CSMD1: variants seen among roughly 807,000 people sequenced by gnomAD.
CSMD1 encodes the protein CUB and sushi domain-containing protein 1.
In CSMD1, 213 loss-of-function variants were observed where a neutral mutation model predicts 417.5. The ratio of observed to expected loss-of-function variants is 0.51; its 90% CI spans 0.46 to 0.57. The LOEUF (loss-of-function observed/expected upper bound fraction) is 0.57. Ranked by LOEUF, CSMD1 falls within the 20% of genes least tolerant of loss-of-function variation. The pLI is 0.00. For synonymous variants in CSMD1, 2,862 were observed against 1,736.8 expected (o/e 1.65, Z -16.11); for missense variants, 6,923 against 4,529.7 (o/e 1.53, Z -15.17).
At chr8:3,296,444 G>A (rs74830603) in intron 25 of CSMD1, among the ~76,000 whole-genome samples, 2 of 152,214 alleles carry the variant, frequency 1.3e-5, no homozygotes, top group Non-Finnish European at 2.9e-5. Context: ...ACGCACAGAG[G>A]GCTTTGTAGG....
At chr8:4,754,207 A>G (rs1157028586) in intron 1 of CSMD1, among the ~76,000 whole-genome samples, 1 of 151,932 alleles carries the variant, frequency 6.6e-6, no homozygotes, top group African/African-American at 2.4e-5. Context: ...CATCTCTACA[A>G]CTCTTAACAG....
At chr8:3,040,627 A>G (rs1424864020) in intron 50 of CSMD1, among the ~76,000 whole-genome samples, 1 of 151,622 alleles carries the variant, frequency 6.6e-6, no homozygotes, top group East Asian at 1.9e-4. Context: ...ACATGATGAA[A>G]CCCCGTCTCT....
intron 2 of CSMD1, among the ~76,000 whole-genome samples, chr8:4,559,035 C>G (rs1022014072): frequency 6.6e-6 from 1 of 152,070 alleles, no homozygotes; most frequent in African/African-American, 2.4e-5. Context: ...TTTGCAAAGT[C>G]CCCCTTTGGA....
chr8:4,819,373 G>A (rs1471498602), intron 1 of CSMD1, among the ~76,000 whole-genome samples: 2 of 152,010 alleles, frequency 1.3e-5, no homozygotes, highest in African/African-American at 2.4e-5. Flanking sequence ...ATGGAAATAG[G>A]CCTCTCAAAT....
Position 3,956,092 on chromosome 8 carries a change from G to C in CSMD1, c.818+41811C>G, listed in dbSNP as rs774463949. Among the ~76,000 whole-genome samples the C allele has an allele frequency of 3.9e-5, 6 of 152,160 alleles. No homozygotes were observed. In the East Asian group the frequency reaches 5.8e-4, roughly 15 times the overall value. The stretch of plus-strand genomic sequence containing the variant: ...TTATTTGGCATTAGCCACCGTGCTC[G>C]GCCAGGTTTCCTTTCTAACCCTTTT... On this transcript the variant is annotated intron_variant, in intron 5 of 69. Coordinates refer to ENST00000635120, the MANE Select transcript of CSMD1 (RefSeq NM_033225.6).
At chr8:4,481,844 C>T (rs563284620) in intron 2 of CSMD1, among the ~76,000 whole-genome samples, 4 of 152,148 alleles carry the variant, frequency 2.6e-5, no homozygotes, top group Admixed American at 6.5e-5. Flanking sequence ...AGGTACTCCA[C>T]CTACTTCTAT....
chr8:3,943,277 G>A (rs1811005099), intron 5 of CSMD1, among the ~76,000 whole-genome samples: 1 of 151,618 alleles, frequency 6.6e-6, no homozygotes, highest in Non-Finnish European at 1.5e-5. Context: ...TTTATAAAGT[G>A]TATGCAAAGC....
At chr8:3,741,213 TAAAA>T (rs58662516) in intron 6 of CSMD1, among the ~76,000 whole-genome samples, 3 of 67,276 alleles carry the variant, frequency 4.5e-5, no homozygotes, top group African/African-American at 1.2e-4. Flanking sequence ...GACTCCGTCT[TAAAA>T]AAAAAAAAAA....
At chr8:3,841,386 G>C (rs898052501) in intron 5 of CSMD1, among the ~76,000 whole-genome samples, 1 of 152,098 alleles carries the variant, frequency 6.6e-6, no homozygotes, top group African/African-American at 2.4e-5. Flanking sequence ...TCAACCTCAA[G>C]CAATGTGTTT....
At chr8:4,077,824 GATAC>G (rs1389124609) in intron 3 of CSMD1, among the ~76,000 whole-genome samples, 6 of 152,204 alleles carry the variant, frequency 3.9e-5, no homozygotes, top group African/African-American at 1.4e-4. Context: ...GGAATTTTCA[GATAC>G]ATAAACCAAA....
chr8:3,561,498 A>G (rs1175797586), intron 10 of CSMD1, among the ~76,000 whole-genome samples: 1 of 152,232 alleles, frequency 6.6e-6, no homozygotes, highest in Non-Finnish European at 1.5e-5. Context: ...GAATGTCATT[A>G]TCCTAAGTAA....
intron 7 of CSMD1, among the ~76,000 whole-genome samples, chr8:3,675,388 A>G (rs954235027): frequency 2.0e-5 from 3 of 152,164 alleles, no homozygotes; most frequent in East Asian, 3.9e-4. Flanking sequence ...GGGCTTGGAT[A>G]TGCTATCTTG....
chr8:3,580,061 A>C (rs1206166305), intron 9 of CSMD1, among the ~76,000 whole-genome samples: 3 of 152,112 alleles, frequency 2.0e-5, no homozygotes, highest in Non-Finnish European at 2.9e-5. Context: ...CCAAGATAGC[A>C]CCACTGTACT....
intron 1 of CSMD1, among the ~76,000 whole-genome samples, chr8:4,950,754 T>G (rs1466553386): frequency 1.3e-5 from 2 of 152,112 alleles, no homozygotes; most frequent in African/African-American, 4.8e-5. Context: ...TATAGCATTA[T>G]TTATAAGTGG....
chr8:3,291,532 A>T (rs979729892), intron 25 of CSMD1, among the ~76,000 whole-genome samples: 1 of 152,046 alleles, frequency 6.6e-6, no homozygotes, highest in Non-Finnish European at 1.5e-5. Flanking sequence ...CAGAGATTCA[A>T]CTTCTTCCTG....
At chr8:4,484,285 T>G (rs1054132778) in intron 2 of CSMD1, among the ~76,000 whole-genome samples, 2 of 152,148 alleles carry the variant, frequency 1.3e-5, no homozygotes, top group Non-Finnish European at 2.9e-5. Flanking sequence ...TTTCATTTTG[T>G]TTTGTCCCTC....
chr8:4,740,196 T>C (rs558772054), intron 1 of CSMD1, among the ~76,000 whole-genome samples: 54 of 152,272 alleles, frequency 3.5e-4, no homozygotes, highest in Middle Eastern at 3.4e-3. Flanking sequence ...CATTATCTTA[T>C]TGTTTTCACC....
intron 3 of CSMD1, among the ~76,000 whole-genome samples, chr8:4,198,177 G>C (rs192415525): frequency 2.0e-5 from 3 of 152,190 alleles, no homozygotes; most frequent in South Asian, 2.1e-4. Context: ...ATGATCAGGG[G>C]AGTCATTCCA....
At chr8:3,489,859 T>C (rs770698304) in intron 11 of CSMD1, among the ~76,000 whole-genome samples, 3 of 152,168 alleles carry the variant, frequency 2.0e-5, no homozygotes, top group East Asian at 1.9e-4. Context: ...CCACAAAATA[T>C]TGAGTTTGAA....
Sources: gnomAD v4.1 joint callset for allele counts (sites outside exome capture counted in the v4.1 genomes callset) on GRCh38, gnomAD v4.1.1 for gene constraint, MANE v1.5 for transcripts, NCBI Gene and HGNC (gene_info 2026-07-23, HGNC 2026-07-21) for gene names.